The following PGCKA1 variants were observed in gnomAD, a reference collection of about 807,000 sequenced individuals.
PGCKA1 encodes the protein PDCD10 and GCKIII kinases associated 1, also known as PDCD10 and GCKIII kinases-associated protein 1.
At chr4:37,460,460 T>G in the PGCKA1 span, 7 of 406,788 alleles carry the variant, frequency 1.7e-5, no homozygotes, top group Non-Finnish European at 2.9e-5. Context: ...ACCACCAGTG[T>G]TAAAGTGTTC....
the PGCKA1 span, among the ~76,000 whole-genome samples, chr4:37,500,805 A>G: frequency 6.6e-6 from 1 of 152,272 alleles, no homozygotes; most frequent in Non-Finnish European, 1.5e-5. Flanking sequence ...GGGTTCTCCG[A>G]TGTTGTGTGT....
the PGCKA1 span, among the ~76,000 whole-genome samples, chr4:37,581,901 C>G: frequency 1.3e-5 from 2 of 152,146 alleles, no homozygotes; most frequent in African/African-American, 4.8e-5. The surrounding 1 kb of genome is among the most constrained non-coding windows in gnomAD (Gnocchi z 4.4). Flanking sequence ...GTGCGGCTTG[C>G]CAAAACTCAA....
the PGCKA1 span, among the ~76,000 whole-genome samples, chr4:37,514,450 T>A: frequency 6.6e-6 from 1 of 152,232 alleles, no homozygotes; most frequent in East Asian, 1.9e-4. Flanking sequence ...TTATATCTAG[T>A]GGCAGAGTAG....
the PGCKA1 span, among the ~76,000 whole-genome samples, chr4:37,517,256 AATATAT>A: frequency 6.8e-6 from 1 of 146,252 alleles, no homozygotes; most frequent in South Asian, 2.1e-4. Context: ...CATCTCAAAA[AATATAT>A]ATATATAAAT....
chr4:37,483,815 A>C, the PGCKA1 span, among the ~76,000 whole-genome samples: 11 of 152,330 alleles, frequency 7.2e-5, no homozygotes, highest in Non-Finnish European at 1.5e-5. Flanking sequence ...GAAGTCCAGC[A>C]TCCACAGAGC....
chr4:37,533,300 C>T, the PGCKA1 span, among the ~76,000 whole-genome samples: 1 of 150,520 alleles, frequency 6.6e-6, no homozygotes, highest in African/African-American at 2.4e-5. Flanking sequence ...AAGCTGGTCT[C>T]ATATTTATTT....
At chr4:37,572,742 C>G in the PGCKA1 span, among the ~76,000 whole-genome samples, 1 of 152,144 alleles carries the variant, frequency 6.6e-6, no homozygotes, top group African/African-American at 2.4e-5. Flanking sequence ...ATACCTTTTA[C>G]ACATACCTGA....
chr4:37,513,616 C>T, the PGCKA1 span, among the ~76,000 whole-genome samples: 1 of 152,128 alleles, frequency 6.6e-6, no homozygotes, highest in Admixed American at 6.5e-5. Flanking sequence ...GGGTGTTAGG[C>T]CGTGGGTGTT....
chr4:37,460,062 C>T, the PGCKA1 span, among the ~76,000 whole-genome samples: 1 of 152,106 alleles, frequency 6.6e-6, no homozygotes. Context: ...GTTCAACTCC[C>T]ACTTATGAGT....
At chr4:37,494,080 G>A in the PGCKA1 span, among the ~76,000 whole-genome samples, 1 of 151,956 alleles carries the variant, frequency 6.6e-6, no homozygotes, top group African/African-American at 2.4e-5. Context: ...CTTTCTTTGG[G>A]GTATATAACT....
chr4:37,559,599 A>G, the PGCKA1 span, among the ~76,000 whole-genome samples: 1 of 151,142 alleles, frequency 6.6e-6, no homozygotes, highest in African/African-American at 2.4e-5. Flanking sequence ...TATAATAATA[A>G]TAAGATAAAA....
the PGCKA1 span, among the ~76,000 whole-genome samples, chr4:37,535,608 C>A: frequency 6.6e-6 from 1 of 152,292 alleles, no homozygotes; most frequent in Admixed American, 6.5e-5. Flanking sequence ...CAAGAGGTGT[C>A]TGGTGAGAAG....
At chr4:37,554,066 G>T in the PGCKA1 span, among the ~76,000 whole-genome samples, 3 of 152,276 alleles carry the variant, frequency 2.0e-5, no homozygotes, top group Admixed American at 2.0e-4. Context: ...GAATCATGGG[G>T]GTGGGTTTTT....
chr4:37,488,088 T>A, the PGCKA1 span, among the ~76,000 whole-genome samples: 1 of 152,200 alleles, frequency 6.6e-6, no homozygotes, highest in African/African-American at 2.4e-5. Flanking sequence ...AGTTGTTCCA[T>A]AGCCTTCACA....
At chr4:37,530,964 G>A in the PGCKA1 span, among the ~76,000 whole-genome samples, 1 of 151,954 alleles carries the variant, frequency 6.6e-6, no homozygotes, top group African/African-American at 2.4e-5. Flanking sequence ...CAGCCTGGGC[G>A]ACAGAACGAG....
chr4:37,529,113 CATG>C, the PGCKA1 span, among the ~76,000 whole-genome samples: 10,084 of 152,206 alleles, frequency 0.066, 588 homozygotes, highest in South Asian at 0.24. Flanking sequence ...TTTTATAAAG[CATG>C]ATGACACAGC....
the PGCKA1 span, chr4:37,584,489 A>G: frequency 6.6e-6 from 1 of 152,588 alleles, no homozygotes. Context: ...GAGGAAAACC[A>G]CCACAACATC....
chr4:37,474,806 TCTC>T, the PGCKA1 span, among the ~76,000 whole-genome samples: 3 of 152,126 alleles, frequency 2.0e-5, no homozygotes, highest in East Asian at 1.9e-4. Flanking sequence ...TGTTCCCACC[TCTC>T]CTCAGAATAG....
At chr4:37,576,066 T>TC in the PGCKA1 span, among the ~76,000 whole-genome samples, 1 of 152,192 alleles carries the variant, frequency 6.6e-6, no homozygotes, top group Non-Finnish European at 1.5e-5. Context: ...CAGGATGGCT[T>TC]TGGCTAGTCT....
Sources: allele counts gnomAD v4.1 joint callset (sites outside exome capture counted in the v4.1 genomes callset), GRCh38; gene constraint gnomAD v4.1.1; non-coding constraint Gnocchi (gnomAD v3.1); transcripts MANE v1.5; gene names NCBI Gene and HGNC (gene_info 2026-07-23, HGNC 2026-07-21).